The following FAM83F variants were observed in gnomAD, a reference collection of about 807,000 sequenced individuals.
FAM83F encodes scaffolding CK1 anchoring protein F.
Under a neutral mutation model 42.9 loss-of-function variants are expected in FAM83F, and 45 were observed. The observed-to-expected ratio is 1.05, with a 90% confidence interval of 0.83 to 1.35. FAM83F has a LOEUF of 1.35. Ranked by LOEUF, FAM83F falls within the 40% of genes most tolerant of loss-of-function variation. The pLI is 0.00. For synonymous variants in FAM83F, 306 were observed against 298.3 expected (o/e 1.03, Z -0.27); for missense variants, 617 against 695.9 (o/e 0.89, Z 1.28).
At chr22:40,015,245 A>G (rs2067487239) in intron 1 of FAM83F, among the ~76,000 whole-genome samples, 2 of 152,230 alleles carry the variant, frequency 1.3e-5, no homozygotes, top group Non-Finnish European at 2.9e-5. Context: ...GTCTGCTGGC[A>G]GAATTCCTTC....
chr22:40,002,439 G>GAAC, intron 1 of FAM83F, among the ~76,000 whole-genome samples: 1 of 152,194 alleles, frequency 6.6e-6, no homozygotes, highest in Non-Finnish European at 1.5e-5. Flanking sequence ...GAGGATGGGT[G>GAAC]TTTCCCAGAA....
In FAM83F at chr22:40,008,317, C is replaced by T. The variant is rs1321457814; in HGVS notation, c.490-10851C>T. On this transcript the variant is annotated intron_variant, in intron 1 of 4. Coordinates refer to ENST00000333407, the MANE Select transcript of FAM83F (RefSeq NM_138435.4). Reference sequence around the variant, plus strand: ...CCCCATGGGCTGTCTCCTTCTTTCTCGCCCCCTCTCCTGAAGTGGTGGCCC... The same window carrying T: ...CCCCATGGGCTGTCTCCTTCTTTCTTGCCCCCTCTCCTGAAGTGGTGGCCC... 5.3e-5 allele frequency among the ~76,000 whole-genome samples: 8 copies of T among 152,346 alleles called. No homozygotes were observed. In the East Asian group the frequency reaches 5.8e-4, roughly 11 times the overall value.
At position 40,035,121 on chromosome 22, in the gene FAM83F, T is replaced by C. The variant is rs1476800535; in HGVS notation, c.*5556T>C. 6.6e-6 allele frequency: 1 copy of C among 152,228 alleles called. No homozygotes were observed. The highest frequency in any genetic ancestry group is 6.5e-5 in the Admixed American group (1 of 15,284). 9.4% of individuals were successfully genotyped at this position (152,228 alleles called of 1,614,324 possible). ...GGTTATCTGGACCGTCCTAGAGCACTTTCACAGTGACAGCCGGCTGGAATC... is the reference window on the plus strand; with the variant it reads ...GGTTATCTGGACCGTCCTAGAGCACCTTCACAGTGACAGCCGGCTGGAATC... On this transcript the variant is annotated 3_prime_UTR_variant, in exon 5 of 5. Coordinates refer to ENST00000333407, the MANE Select transcript of FAM83F (RefSeq NM_138435.4).
chr22:40,013,319 T>C (rs1425234784), intron 1 of FAM83F, among the ~76,000 whole-genome samples: 1 of 152,220 alleles, frequency 6.6e-6, no homozygotes, highest in Non-Finnish European at 1.5e-5. Flanking sequence ...ACCTCTATTT[T>C]TCTCTATGTA....
Position 40,021,855 on chromosome 22 carries a change from A to T in FAM83F, c.1345A>T (p.Arg449Trp). 6 of 1,612,106 alleles carry T rather than the reference A, an allele frequency of 3.7e-6. No homozygotes were observed. Among genetic ancestry groups the T allele is most frequent in the Non-Finnish European group, 5.1e-6 (6 of 1,179,346 alleles). Residue 449 changes from arginine (R) to tryptophan (W), a missense_variant, in exon 4 of 5, where the codon AGG (arginine) becomes TGG (tryptophan). Physicochemically the swap from Arg to Trp is moderately radical, Grantham distance 101. Coordinates refer to ENST00000333407, the MANE Select transcript of FAM83F (RefSeq NM_138435.4). This position sits in a 1 kb window ranked among gnomAD's most constrained non-coding sequence, Gnocchi z 8.7. ...SSRLFSRRAK[R>W]PAAPNGMASS... ...CAGGCTCTTCAGTCGCCGAGCCAAG[A>T]GGCCTGCGGCGCCCAATGGCATGGC...
rs2067654064 is a variant in FAM83F, at chr22:40,042,132, G to A, written c.*12567G>A. 6.6e-6 allele frequency: 1 copy of A among 152,154 alleles called. No individual in the cohort carries two copies. The highest frequency in any genetic ancestry group is 1.5e-5 in the Non-Finnish European group (1 of 68,022). 9.4% of individuals were successfully genotyped at this position (152,154 alleles called of 1,614,324 possible). The stretch of plus-strand genomic sequence containing the variant: ...CCGCCTTGGCCTCTCAAATTGCTGG[G>A]ATTACAAGCATAAGCCAATGTGCCT... On this transcript the variant is annotated 3_prime_UTR_variant, in exon 5 of 5. Transcript: ENST00000333407.
intron 1 of FAM83F, among the ~76,000 whole-genome samples, chr22:40,012,560 A>T (rs1376614203): frequency 2.0e-5 from 3 of 151,198 alleles, no homozygotes; most frequent in Non-Finnish European, 1.5e-5. Flanking sequence ...ACTTGAGGTC[A>T]GGAGTTTAAG....
chr22:40,032,148 G>C lies in FAM83F; in HGVS notation c.*2583G>C, dbSNP rs931553871. The C allele has an allele frequency of 6.6e-6, 1 of 152,536 alleles. No individual in the cohort carries two copies. The highest frequency in any genetic ancestry group is 1.5e-5 in the Non-Finnish European group (1 of 68,234). The allele number at this position is 152,536 out of a possible 1,614,324, so 9.4% of individuals were successfully genotyped here. A position where few individuals can be genotyped will look rare whatever the true frequency, so the allele number is the denominator to read the frequency against. ...GGATAAGGCAGCACTCTCGGGGCTGGGGTCTGGCTTCACTGCACCCCCCTC... is the reference window on the plus strand; with the variant it reads ...GGATAAGGCAGCACTCTCGGGGCTGCGGTCTGGCTTCACTGCACCCCCCTC... On this transcript the variant is annotated 3_prime_UTR_variant, in exon 5 of 5. Coordinates refer to ENST00000333407, the MANE Select transcript of FAM83F (RefSeq NM_138435.4).
chr22:40,013,051 C>G (rs1187655456), intron 1 of FAM83F, among the ~76,000 whole-genome samples: 1 of 142,906 alleles, frequency 7.0e-6, no homozygotes, highest in Admixed American at 7.1e-5. Context: ...CCACTGCACT[C>G]CAGCCTGGGC....
At chr22:40,010,919 TG>T (rs2067459651) in intron 1 of FAM83F, among the ~76,000 whole-genome samples, 1 of 152,192 alleles carries the variant, frequency 6.6e-6, no homozygotes, top group South Asian at 2.1e-4. Flanking sequence ...ATACCTGCCC[TG>T]AACTGTGCCA....
chr22:40,004,823 C>T (rs1184431487), intron 1 of FAM83F, among the ~76,000 whole-genome samples: 1 of 152,174 alleles, frequency 6.6e-6, no homozygotes, highest in East Asian at 1.9e-4. Context: ...TAAGGTCACA[C>T]CACCAGTAAA....
intron 1 of FAM83F, among the ~76,000 whole-genome samples, chr22:40,006,691 C>G (rs2067430917): frequency 6.6e-6 from 1 of 152,184 alleles, no homozygotes; most frequent in African/African-American, 2.4e-5. Flanking sequence ...ATAAATGCCT[C>G]TTTGGGTTGG....
At chr22:40,026,903 G>C (rs563566100) in intron 4 of FAM83F, among the ~76,000 whole-genome samples, 3 of 152,180 alleles carry the variant, frequency 2.0e-5, no homozygotes, top group Non-Finnish European at 4.4e-5. Context: ...CTCTTGCTGC[G>C]TCTGGGGCAT....
chr22:40,040,094 T>G lies in FAM83F; in HGVS notation c.*10529T>G, dbSNP rs1403413811. On this transcript the variant is annotated 3_prime_UTR_variant, in exon 5 of 5. Coordinates refer to ENST00000333407, the MANE Select transcript of FAM83F (RefSeq NM_138435.4). ...GAGGAAGGACCACCAGAGGCAGTAA[T>G]TTAGCCGGAAAGAGGTGTATTTCTT... 6.6e-6 allele frequency: 1 copy of G among 152,186 alleles called. No homozygotes were observed. The highest frequency in any genetic ancestry group is 1.5e-5 in the Non-Finnish European group (1 of 68,054). The allele number at this position is 152,186 out of a possible 1,614,324, so 9.4% of individuals were successfully genotyped here. A position where few individuals can be genotyped will look rare whatever the true frequency, so the allele number is the denominator to read the frequency against.
chr22:40,011,336 C>T (rs887481844), intron 1 of FAM83F, among the ~76,000 whole-genome samples: 3 of 152,162 alleles, frequency 2.0e-5, no homozygotes, highest in Non-Finnish European at 2.9e-5. Context: ...AGGTGTGCGC[C>T]ACCATGCCCG....
chr22:40,021,665 GC>G lies in FAM83F; in HGVS notation c.1161del (p.Val388TrpfsTer9), dbSNP rs1569234985. On this transcript the variant is annotated frameshift_variant, in exon 4 of 5. Transcript: ENST00000333407. LOFTEE classifies it high-confidence loss of function. This position sits in a 1 kb window ranked among gnomAD's most constrained non-coding sequence, Gnocchi z 8.7. ...ACCTGGTTACGGTGGAGCAGGTGCT[GC>G]CCCCCGTGGAGCCCATCCCCTTGGG... ...KDLVTVEQVL[P>X]PVEPIPLGEL... 1.7e-5 allele frequency: 27 copies of G among 1,609,410 alleles called. No individual in the cohort carries two copies. The highest frequency in any genetic ancestry group is 2.1e-5 in the Non-Finnish European group (25 of 1,176,822).
chr22:40,042,771 T>G lies in FAM83F; in HGVS notation c.*13206T>G, dbSNP rs774771670. ...AAAGATGAAAAAGAAACCATCTGCT[T>G]CAAGGTACTTACAACTGAAATGTAT... On this transcript the variant is annotated 3_prime_UTR_variant, in exon 5 of 5. Coordinates refer to ENST00000333407, the MANE Select transcript of FAM83F (RefSeq NM_138435.4). 6.6e-6 allele frequency: 1 copy of G among 152,212 alleles called. No homozygotes were observed. Among genetic ancestry groups the G allele is most frequent in the Non-Finnish European group, 1.5e-5 (1 of 68,038 alleles). The allele number at this position is 152,212 out of a possible 1,614,324, so 9.4% of individuals were successfully genotyped here.
chr22:40,015,121 T>G (rs1470534258), intron 1 of FAM83F, among the ~76,000 whole-genome samples: 1 of 152,042 alleles, frequency 6.6e-6, no homozygotes, highest in Non-Finnish European at 1.5e-5. Context: ...AGACAGAGAT[T>G]GATTGATTTT....
chr22:40,015,429 G>A (rs1183623838), intron 1 of FAM83F, among the ~76,000 whole-genome samples: 7 of 152,284 alleles, frequency 4.6e-5, no homozygotes, highest in Admixed American at 2.0e-4. Flanking sequence ...CCAGCCAAGC[G>A]AACACATAAA....
Sources: gnomAD v4.1 joint callset for allele counts (sites outside exome capture counted in the v4.1 genomes callset) on GRCh38, gnomAD v4.1.1 for gene constraint, Gnocchi (gnomAD v3.1) non-coding constraint, MANE v1.5 for transcripts, NCBI Gene and HGNC (gene_info 2026-07-23, HGNC 2026-07-21) for gene names.